Variants in KIF7 observed in about 807,000 individuals in gnomAD.
KIF7 encodes kinesin family member 7.
KIF7 carries 104 observed loss-of-function variants against 135.7 expected under a neutral mutation model. The ratio of observed to expected loss-of-function variants is 0.77; its 90% confidence interval spans 0.65 to 0.90. The LOEUF (loss-of-function observed/expected upper bound fraction) is 0.90. Ranked by LOEUF, KIF7 falls within the 40% of genes least tolerant of loss-of-function variation. The pLI is 0.00. For synonymous variants in KIF7, 883 were observed against 809.4 expected (o/e 1.09, Z -1.54); for missense variants, 2,005 against 1,839.1 (o/e 1.09, Z -1.65).
Position 89,633,762 on chromosome 15 carries a change from T to C in KIF7, c.2516A>G (p.Gln839Arg). Reference protein sequence around the residue: ...QLMRQQQGQLQRRLREETEQK... With the variant: ...QLMRQQQGQLRRRLREETEQK... ...CTCCGTCTCCTCGCGAAGCCGCCTCTGCAGCTGTCCCTGCTGCTGCCGCAT... is the reference window on the plus strand; with the variant it reads ...CTCCGTCTCCTCGCGAAGCCGCCTCCGCAGCTGTCCCTGCTGCTGCCGCAT... Residue 839 changes from glutamine to arginine, a missense_variant, in exon 12 of 19, where the codon CAG becomes CGG. Transcript: ENST00000394412. 1 of 1,610,896 alleles carries C rather than the reference T, an allele frequency of 6.2e-7. No homozygotes were observed. Among genetic ancestry groups the C allele is most frequent in the Non-Finnish European group, 8.5e-7 (1 of 1,179,972 alleles).
At chr15:89,627,224 A>G, downstream of KIF7, 3 of 1,048,700 alleles carry the variant, frequency 2.9e-6, no homozygotes, top group Non-Finnish European at 4.1e-6. Context: ...AGGGTTTTCT[A>G]ATTCCCCTTA....
Position 89,646,993 on chromosome 15 carries a change from C to T in KIF7, c.1625G>A (p.Arg542Gln). The change falls in exon 7 of 19, where the codon CGG becomes CAG. Residue 542 changes from arginine (R) to glutamine (Q), a missense_variant. Physicochemically the swap from Arg to Gln is conservative, Grantham distance 43 (BLOSUM62 1). Coordinates refer to ENST00000394412, the MANE Select transcript of KIF7 (RefSeq NM_198525.3). ...VELRLRLELV[R>Q]PGWGGPRLLN... Reference sequence around the variant, plus strand: ...GAGCCGCGGGCCCCCCCAGCCTGGCCGCACCAGCTCTAACCGCAGCCGCAG... The same window carrying T: ...GAGCCGCGGGCCCCCCCAGCCTGGCTGCACCAGCTCTAACCGCAGCCGCAG... 6.2e-7 allele frequency: 1 copy of T among 1,612,864 alleles called. No individual in the cohort carries two copies.
intron 1 of KIF7, among the ~76,000 whole-genome samples, chr15:89,654,097 C>T (rs1270030055): frequency 6.6e-6 from 1 of 152,178 alleles, no homozygotes; most frequent in Non-Finnish European, 1.5e-5. Flanking sequence ...GCAAGCTCTG[C>T]CTCCTGGGTT....
rs1471288250 is a variant in KIF7 at position 89,649,947 on chromosome 15, G to T, written c.329-6C>A. The T allele has an allele frequency of 3.2e-6, 5 of 1,550,270 alleles. No individual in the cohort carries two copies. The highest frequency in any genetic ancestry group is 3.5e-6 in the Non-Finnish European group (4 of 1,146,938). ...CTCATCCTCAAGGAGGGAGGCTGGGGAGACACCGCAGGGCCTCCTGCCACT... is the reference window on the plus strand; with the variant it reads ...CTCATCCTCAAGGAGGGAGGCTGGGTAGACACCGCAGGGCCTCCTGCCACT... On this transcript the variant is annotated splice_polypyrimidine_tract_variant and splice_region_variant and intron_variant, in intron 2 of 18. Coordinates refer to ENST00000394412, the MANE Select transcript of KIF7 (RefSeq NM_198525.3).
rs556273497 is a variant in KIF7, at chr15:89,642,302, C to T, written c.2295G>A (p.Gln765=). The T allele has an allele frequency of 6.2e-7, 1 of 1,610,732 alleles. No homozygotes were observed. ...VRAELSEGQR[Q]LRELEGKELQ... ...GCTCCTTGCCCTCGAGCTCCCGCAG[C>T]TGCCTCTGGCCTTCACTCAGCTCGG... The change falls in exon 11 of 19, where the codon CAG becomes CAA. Residue 765 remains glutamine (Q), a synonymous_variant. Coordinates refer to ENST00000394412, the MANE Select transcript of KIF7 (RefSeq NM_198525.3).
chr15:89,626,409 C>G (rs1963527617), downstream of KIF7, among the ~76,000 whole-genome samples: 1 of 152,258 alleles, frequency 6.6e-6, no homozygotes, highest in Admixed American at 6.5e-5. Flanking sequence ...TAGTTCCCCA[C>G]AGCGGGTTTA....
chr15:89,633,768 T>G lies in KIF7; in HGVS notation c.2510A>C (p.Gln837Pro). The G allele has an allele frequency of 6.2e-7, 1 of 1,611,176 alleles. No homozygotes were observed. ...CTCCTCGCGAAGCCGCCTCTGCAGCTGTCCCTGCTGCTGCCGCATGAGCTG... is the reference window on the plus strand; with the variant it reads ...CTCCTCGCGAAGCCGCCTCTGCAGCGGTCCCTGCTGCTGCCGCATGAGCTG... ...NVQLMRQQQG[Q>P]LQRRLREETE... The change falls in exon 12 of 19, where the codon CAG becomes CCG. Residue 837 changes from glutamine (Q) to proline (P), a missense_variant. Gln to Pro is a moderately conservative substitution (Grantham distance 76, BLOSUM62 -1). Transcript: ENST00000394412.
In KIF7 at chr15:89,629,034, C is replaced by A; in HGVS notation, c.3606G>T (p.Trp1202Cys). 1 of 1,613,696 alleles carries A rather than the reference C, an allele frequency of 6.2e-7. No individual in the cohort carries two copies. The highest frequency in any genetic ancestry group is 8.5e-7 in the Non-Finnish European group (1 of 1,179,956). Reference sequence around the variant, plus strand: ...GCTTCTGTTTCAGTTCCTGGTTTATCCACATGTAACGGCCCAGTTCCTTCT... The same window carrying A: ...GCTTCTGTTTCAGTTCCTGGTTTATACACATGTAACGGCCCAGTTCCTTCT... ...ALEKELGRYM[W>C]INQELKQKLG... is the part of the protein sequence containing the mutation. The change falls in exon 18 of 19, where the codon TGG becomes TGT. Residue 1202 changes from tryptophan (W) to cysteine (C), a missense_variant. Transcript: ENST00000394412.
chr15:89,657,047 C>T (rs1964213955), upstream of KIF7, among the ~76,000 whole-genome samples: 1 of 152,140 alleles, frequency 6.6e-6, no homozygotes, highest in Admixed American at 6.5e-5. Context: ...GTGGCTCATG[C>T]CTGTAAACCC....
At chr15:89,649,656 T>A in intron 3 of KIF7, 85 bp downstream of exon 3, 1 of 1,425,004 alleles carries the variant, frequency 7.0e-7, no homozygotes, top group Non-Finnish European at 9.5e-7. Flanking sequence ...GAGTTGCCAT[T>A]CCCAGACAGG....
chr15:89,629,994 A>G (rs1963636963), intron 16 of KIF7: 2 of 537,696 alleles, frequency 3.7e-6, no homozygotes, highest in Admixed American at 3.1e-5. Context: ...ATCTCCAGCC[A>G]TGGCCAAATG....
Position 89,645,936 on chromosome 15 carries a change from C to T in KIF7, c.1879G>A (p.Glu627Lys). 2 of 1,613,844 alleles carry T rather than the reference C, an allele frequency of 1.2e-6. No individual in the cohort carries two copies. Among genetic ancestry groups the T allele is most frequent in the Non-Finnish European group, 1.7e-6 (2 of 1,179,978 alleles). Residue 627 changes from glutamate to lysine, a missense_variant, in exon 8 of 19, where the codon GAG (glutamate) becomes AAG (lysine). Transcript: ENST00000394412. ...SGSSAASEEE[E>K]EEEEPPRRTL... ...CGCCTGGGCGGCTCCTCCTCCTCCT[C>T]TTCCTCCTCTGAAGCAGCTGAAGAG...
intron 1 of KIF7, among the ~76,000 whole-genome samples, chr15:89,653,773 TATTA>T (rs1964162847): frequency 2.7e-5 from 2 of 73,126 alleles, no homozygotes; most frequent in Non-Finnish European, 6.8e-5. Flanking sequence ...TTAGTATTAG[TATTA>T]GTATTAGTAT....
At chr15:89,624,409 A>G, downstream of KIF7, 1 of 1,614,212 alleles carries the variant, frequency 6.2e-7, no homozygotes, top group South Asian at 1.1e-5. Flanking sequence ...ACTCTCACAG[A>G]GAGCTACATT....
rs759765964 is a variant in KIF7, at chr15:89,633,843, G to T, written c.2435C>A (p.Ser812Ter). The T allele has an allele frequency of 1.2e-6, 2 of 1,613,658 alleles. No homozygotes were observed. The highest frequency in any genetic ancestry group is 8.5e-7 in the Non-Finnish European group (1 of 1,180,038). Residue 812 changes from serine to a stop codon, truncating the protein, a stop_gained, in exon 12 of 19, where the codon TCA (serine) becomes TAA (stop). Transcript: ENST00000394412. LOFTEE classifies it high-confidence loss of function. ...EKKQATERLV[S>*]LSAQSEKRLQ... Reference sequence around the variant, plus strand: ...TCGCTTCTCACTCTGGGCCGACAGTGACACCAGCCGCTCCGTAGCCTGCTT... The same window carrying T: ...TCGCTTCTCACTCTGGGCCGACAGTTACACCAGCCGCTCCGTAGCCTGCTT...
intron 11 of KIF7, among the ~76,000 whole-genome samples, chr15:89,639,026 G>T (rs1387309294): frequency 6.6e-6 from 1 of 151,684 alleles, no homozygotes; most frequent in East Asian, 1.9e-4. Context: ...ACAAACCTGA[G>T]AAAAGCAATG....
intron 15 of KIF7, 149 bp downstream of exon 15, chr15:89,631,346 C>T: frequency 1.4e-6 from 1 of 725,976 alleles, no homozygotes; most frequent in Non-Finnish European, 2.2e-6. Context: ...GCCAGCCCTC[C>T]CCAGCCCCCA....
chr15:89,649,216 C>G lies in KIF7; in HGVS notation c.681G>C (p.Gln227His). ...GTAGGCGGCTGGGGGCGCGCCCCCG[C>G]TGCTCCAGGGTCACGGTGAAGACCG... ...SHTVFTVTLE[Q>H]RGRAPSRLPR... The change falls in exon 4 of 19, where the codon CAG becomes CAC. Residue 227 changes from glutamine (Q) to histidine (H), a missense_variant. By Grantham distance (24) the Gln-to-His change is conservative. Coordinates refer to ENST00000394412, the MANE Select transcript of KIF7 (RefSeq NM_198525.3). 11 of 1,546,458 alleles carry G rather than the reference C, an allele frequency of 7.1e-6. No individual in the cohort carries two copies. The highest frequency in any genetic ancestry group is 1.2e-5 in the South Asian group (1 of 83,906).
chr15:89,623,941 A>T, downstream of KIF7: 1 of 1,614,092 alleles, frequency 6.2e-7, no homozygotes, highest in Non-Finnish European at 8.5e-7. Context: ...GCCAAACTGT[A>T]CTTGGCCACA....
Sources: allele counts gnomAD v4.1 joint callset (sites outside exome capture counted in the v4.1 genomes callset), GRCh38; gene constraint gnomAD v4.1.1; transcripts MANE v1.5; gene names NCBI Gene and HGNC (gene_info 2026-07-23, HGNC 2026-07-21).